Variants in ITGB6 observed in about 807,000 individuals in gnomAD.
ITGB6 encodes the protein integrin subunit beta 6.
A neutral mutation model predicts 84.5 loss-of-function variants in ITGB6; 80 were observed. The observed-to-expected ratio is 0.95, with a 90% CI of 0.79 to 1.14. ITGB6 has a LOEUF of 1.14. Among genes scored for constraint, ITGB6 ranks in the 50% most tolerant of loss-of-function variants. The pLI is 0.00. For synonymous variants in ITGB6, 383 were observed against 354.9 expected (o/e 1.08, Z -0.89); for missense variants, 1,006 against 968.0 (o/e 1.04, Z -0.52).
chr2:160,194,478 A>T (rs1413634402), intron 4 of ITGB6, among the ~76,000 whole-genome samples: 2 of 152,022 alleles, frequency 1.3e-5, no homozygotes, highest in African/African-American at 4.8e-5. Flanking sequence ...GGACAAATCA[A>T]ATCTTGGTAC....
chr2:160,170,436 A>G (rs79115456), intron 6 of ITGB6, among the ~76,000 whole-genome samples: 1 of 152,316 alleles, frequency 6.6e-6, no homozygotes, highest in African/African-American at 2.4e-5. Context: ...CTGCTTTTCA[A>G]CTGCGTAAAA....
rs117230473 is a variant in ITGB6, at chr2:160,165,874, G to T, written c.1017+3338C>A. Among the ~76,000 whole-genome samples the T allele has an allele frequency of 7.4e-4, 112 of 152,334 alleles. 1 individual carries two copies. The East Asian group carries it at 0.018, about 24-fold the overall frequency. On this transcript the variant is annotated intron_variant, in intron 7 of 14. Transcript: ENST00000283249. ...AGGGCTGCAGAAGGTTCTGGCAATG[G>T]TCAGGTGCCCCCACTTGCTCTGTGT... is the stretch of plus-strand genomic sequence containing the variant.
chr2:160,123,705 A>C, intron 12 of ITGB6, 86 bp downstream of exon 12: 2 of 977,460 alleles, frequency 2.0e-6, no homozygotes, highest in Admixed American at 3.7e-5. Flanking sequence ...CAAGCTACTA[A>C]ATAGCCCTCG....
chr2:160,199,770 A>G (rs539273512), intron 1 of ITGB6, among the ~76,000 whole-genome samples: 1 of 152,314 alleles, frequency 6.6e-6, no homozygotes, highest in Admixed American at 6.5e-5. Context: ...ATGTTATTTA[A>G]TTCTCCTCAT....
At chr2:160,142,127 G>C in intron 7 of ITGB6, 56 bp from the exon 8 acceptor site, 2 of 1,176,850 alleles carry the variant, frequency 1.7e-6, no homozygotes, top group East Asian at 5.1e-5. Context: ...ATTGAGAAAA[G>C]TGTGGGTTTG....
chr2:160,109,113 T>A (rs1461497554), intron 13 of ITGB6, among the ~76,000 whole-genome samples: 3 of 152,226 alleles, frequency 2.0e-5, no homozygotes, highest in African/African-American at 7.2e-5. Context: ...TCATGCTGTC[T>A]TTAAGGTAAG....
chr2:160,112,291 T>A (rs2105780688), intron 12 of ITGB6, 92 bp from the exon 13 acceptor site: 1 of 1,224,294 alleles, frequency 8.2e-7, no homozygotes, highest in South Asian at 1.4e-5. Flanking sequence ...ATATGTAAAT[T>A]AGAGTTTTCA....
intron 4 of ITGB6, among the ~76,000 whole-genome samples, chr2:160,188,496 G>T (rs1685995752): frequency 6.6e-6 from 1 of 151,894 alleles, no homozygotes; most frequent in African/African-American, 2.4e-5. Flanking sequence ...GCAGTGCTCT[G>T]GTCTCCCCCT....
At chr2:160,152,023 G>A (rs1409546414) in intron 7 of ITGB6, among the ~76,000 whole-genome samples, 2 of 152,176 alleles carry the variant, frequency 1.3e-5, no homozygotes, top group Non-Finnish European at 2.9e-5. Context: ...GAGATACAAG[G>A]AGGAGCTGGT....
chr2:160,195,704 A>C, intron 3 of ITGB6, 89 bp from the exon 4 acceptor site: 1 of 1,436,012 alleles, frequency 7.0e-7, no homozygotes. Context: ...TGGCTATTTC[A>C]CCTCAATAAG....
intron 6 of ITGB6, among the ~76,000 whole-genome samples, chr2:160,171,508 G>T (rs1048045583): frequency 1.3e-4 from 20 of 151,980 alleles, no homozygotes; most frequent in African/African-American, 4.6e-4. Context: ...CTAAATTTTT[G>T]TATTTTTTAG....
chr2:160,118,697 T>A (rs966010622), intron 12 of ITGB6, among the ~76,000 whole-genome samples: 41 of 151,530 alleles, frequency 2.7e-4, no homozygotes, highest in African/African-American at 9.9e-4. Context: ...ATAAAGGGTA[T>A]TCAATTAGGA....
chr2:160,198,793 A>G (rs146568464), intron 2 of ITGB6, among the ~76,000 whole-genome samples: 25 of 152,358 alleles, frequency 1.6e-4, no homozygotes, highest in Middle Eastern at 3.4e-3. Context: ...CAGAGGGAAT[A>G]CAACTATAAT....
Position 160,200,127 on chromosome 2 carries a change from A to G in ITGB6, c.-64T>C. On this transcript the variant is annotated 5_prime_UTR_variant, in exon 1 of 15. Transcript: ENST00000283249. ...AATTACCTTCAGCGTTACAAGACCA[A>G]CGCTGAATATCGTTAAAGTCTTTCT... 8.1e-7 allele frequency: 1 copy of G among 1,241,498 alleles called. No individual in the cohort carries two copies. Among genetic ancestry groups the G allele is most frequent in the South Asian group, 1.2e-5 (1 of 81,818 alleles). The allele number at this position is 1,241,498 out of a possible 1,614,324, so 76.9% of individuals were successfully genotyped here.
intron 4 of ITGB6, among the ~76,000 whole-genome samples, chr2:160,174,515 G>A (rs1367308316): frequency 6.6e-6 from 1 of 152,130 alleles, no homozygotes; most frequent in Non-Finnish European, 1.5e-5. Context: ...ATCTCAGGCT[G>A]TCATCAAGTG....
intron 7 of ITGB6, among the ~76,000 whole-genome samples, chr2:160,166,696 T>C (rs1395118183): frequency 6.6e-6 from 1 of 152,220 alleles, no homozygotes; most frequent in African/African-American, 2.4e-5. Flanking sequence ...ATCATCATTA[T>C]CTTTCGAACC....
chr2:160,195,642 C>T, intron 3 of ITGB6, 27 bp from the exon 4 acceptor site: 2 of 1,611,716 alleles, frequency 1.2e-6, no homozygotes, highest in Non-Finnish European at 1.7e-6. Context: ...GAAAAGCAAA[C>T]CCAGGAAAAC....
intron 4 of ITGB6, among the ~76,000 whole-genome samples, chr2:160,182,681 CAT>C (rs1247584408): frequency 1.3e-5 from 2 of 152,092 alleles, no homozygotes. Flanking sequence ...AACTCCAAGA[CAT>C]ATAATCATCA....
intron 7 of ITGB6, among the ~76,000 whole-genome samples, chr2:160,149,277 G>T (rs1684321360): frequency 6.6e-6 from 1 of 152,236 alleles, no homozygotes; most frequent in Admixed American, 6.5e-5. Flanking sequence ...GATATTTGCT[G>T]TTCTGCAGCC....
Sources: allele counts gnomAD v4.1 joint callset (sites outside exome capture counted in the v4.1 genomes callset), GRCh38; gene constraint gnomAD v4.1.1; transcripts MANE v1.5; gene names NCBI Gene and HGNC (gene_info 2026-07-23, HGNC 2026-07-21).